The following DGKD variants were observed in gnomAD, a reference collection of about 807,000 sequenced individuals.
DGKD encodes diacylglycerol kinase delta, also known as DAG kinase delta.
DGKD carries 68 observed loss-of-function variants against 154.4 expected under a neutral mutation model. The observed-to-expected ratio is 0.44, with a 90% CI of 0.36 to 0.54. The LOEUF is 0.54. DGKD is among the 20% of genes least tolerant of loss of function. The probability of loss-of-function intolerance (pLI) is 0.00; values close to 1 mark genes in which losing one functional copy is unlikely to be tolerated. For synonymous variants in DGKD, 693 were observed against 638.0 expected, an observed-to-expected ratio of 1.09 and a Z score of -1.30; for missense variants, 1,343 against 1,593.6, an observed-to-expected ratio of 0.84 and a Z score of 2.68.
intron 1 of DGKD, among the ~76,000 whole-genome samples, chr2:233,364,233 A>G (rs1701921191): frequency 6.6e-6 from 1 of 152,236 alleles, no homozygotes; most frequent in South Asian, 2.1e-4. Context: ...GTCCTTCAGA[A>G]AATACAGTTG....
rs537574951 is a variant in DGKD, at chr2:233,432,246, C to G, written c.349-2134C>G. On this transcript the variant is annotated intron_variant, in intron 3 of 29. Coordinates refer to ENST00000264057, the MANE Select transcript of DGKD (RefSeq NM_152879.3). The stretch of plus-strand genomic sequence containing the variant: ...CTCTATTAAAAATACAAAAAATTAG[C>G]CAGGCGTGGTTGCTCACGCCTGTAA... Among the ~76,000 whole-genome samples, 330 of 101,602 alleles carry G rather than the reference C, an allele frequency of 3.2e-3. 5 individuals are homozygous for G. Among genetic ancestry groups the G allele is most frequent in the Non-Finnish European group, 5.8e-3 (254 of 43,856 alleles). The allele number at this position is 101,602 out of a possible 152,430, so 66.7% of individuals were successfully genotyped here. A position where few individuals can be genotyped will look rare whatever the true frequency, so the allele number is the denominator to read the frequency against.
At chr2:233,447,874 C>T (rs2063138187) in intron 12 of DGKD, 10 of 1,392,170 alleles carry the variant, frequency 7.2e-6, no homozygotes, top group East Asian at 2.7e-5. Flanking sequence ...TGCAGCTTGA[C>T]GAAGCTTTTA....
intron 3 of DGKD, chr2:233,429,450 G>A: frequency 2.2e-6 from 1 of 464,012 alleles, no homozygotes; most frequent in Non-Finnish European, 2.8e-6. Flanking sequence ...CTCGGCCTTG[G>A]CAGCTCCCAG....
In DGKD at chr2:233,359,198, G is replaced by A. The variant is rs1262159571; in HGVS notation, c.156+4524G>A. Among the ~76,000 whole-genome samples, 5 of 152,336 alleles carry A rather than the reference G, an allele frequency of 3.3e-5. No homozygotes were observed. In the South Asian group the frequency reaches 1.0e-3, roughly 32 times the overall value. ...CCCTGCGCTTCTAGTTATGAAGCATGCGATTGTGGACAGGGTGTCTAAACC... is the reference window on the plus strand; with the variant it reads ...CCCTGCGCTTCTAGTTATGAAGCATACGATTGTGGACAGGGTGTCTAAACC... On this transcript the variant is annotated intron_variant, in intron 1 of 29. Transcript: ENST00000264057.
intron 3 of DGKD, among the ~76,000 whole-genome samples, chr2:233,407,759 C>T (rs998282576): frequency 3.9e-5 from 6 of 152,072 alleles, no homozygotes; most frequent in Admixed American, 1.3e-4. Context: ...AGAGAGAGAT[C>T]GTGTCTCAAA....
Position 233,441,796 on chromosome 2 carries a change from G to A in DGKD, c.1086-91G>A. ...CTCTGGTGCAGGTCAGCCATGAGGA[G>A]CACAGGTGGCCCCTCAGCCCCGTAC... is the stretch of plus-strand genomic sequence containing the variant. On this transcript the variant is annotated intron_variant, in intron 9 of 29. Coordinates refer to ENST00000264057, the MANE Select transcript of DGKD (RefSeq NM_152879.3). The surrounding 1 kb of genome is among the most constrained non-coding windows in gnomAD (Gnocchi z 5.6). 8.2e-7 allele frequency: 1 copy of A among 1,219,680 alleles called. No homozygotes were observed. Among genetic ancestry groups the A allele is most frequent in the Non-Finnish European group, 1.2e-6 (1 of 845,766 alleles). 75.6% of individuals were successfully genotyped at this position (1,219,680 alleles called of 1,614,324 possible). A position where few individuals can be genotyped will look rare whatever the true frequency, so the allele number is the denominator to read the frequency against.
rs775505118 is a variant in DGKD, at chr2:233,441,910, A to G, written c.1109A>G (p.Asp370Gly). ...AGCTTACGGTTATTCCAGAAGTTTG[A>G]CACATTCCGGATTCTGGTTTGTGGC... ...HLGLRLFQKF[D>G]TFRILVCGGD... Residue 370 changes from aspartate to glycine, a missense_variant, in exon 10 of 30, where the codon GAC (aspartate) becomes GGC (glycine). Physicochemically the swap from Asp to Gly is moderately conservative, Grantham distance 94. Coordinates refer to ENST00000264057, the MANE Select transcript of DGKD (RefSeq NM_152879.3). The surrounding 1 kb of genome is among the most constrained non-coding windows in gnomAD (Gnocchi z 5.6). The G allele has an allele frequency of 6.2e-7, 1 of 1,614,040 alleles. No individual in the cohort carries two copies. The highest frequency in any genetic ancestry group is 8.5e-7 in the Non-Finnish European group (1 of 1,179,946).
At chr2:233,462,525 G>C in intron 25 of DGKD, 66 bp downstream of exon 25, 1 of 1,537,514 alleles carries the variant, frequency 6.5e-7, no homozygotes, top group Non-Finnish European at 8.9e-7. Flanking sequence ...CCCTCCCCGT[G>C]CGTGTTCATT....
intron 1 of DGKD, among the ~76,000 whole-genome samples, chr2:233,355,398 A>T (rs187881669): frequency 9.2e-5 from 14 of 152,262 alleles, no homozygotes; most frequent in African/African-American, 3.1e-4. Flanking sequence ...AAAACAGCTT[A>T]CGGTTTTTGC....
In DGKD at chr2:233,440,535, G is replaced by T. The variant is rs1413954374; in HGVS notation, c.1086-1352G>T. The stretch of plus-strand genomic sequence containing the variant: ...CAAGTCAAACTGGGCGTCCTTCCAC[G>T]TCTCCCCGAGCTGGCATCCGAGGAG... On this transcript the variant is annotated intron_variant, in intron 9 of 29. Transcript: ENST00000264057. The surrounding 1 kb of genome is among the most constrained non-coding windows in gnomAD (Gnocchi z 4.9). Among the ~76,000 whole-genome samples, 1 of 152,150 alleles carries T rather than the reference G, an allele frequency of 6.6e-6. No individual in the cohort carries two copies. The highest frequency in any genetic ancestry group is 1.9e-4 in the East Asian group (1 of 5,182).
In DGKD at chr2:233,388,381, C is replaced by G. The variant is rs1316316978; in HGVS notation, c.267+14C>G. 1.0e-5 allele frequency: 16 copies of G among 1,607,996 alleles called. No homozygotes were observed. The highest frequency in any genetic ancestry group is 1.3e-5 in the Non-Finnish European group (15 of 1,177,370). ...AAAACGGCAAAGGTGAGGCCCCATGCAGGAAAGCACACGCGAGGACATCAC... is the reference window on the plus strand; with the variant it reads ...AAAACGGCAAAGGTGAGGCCCCATGGAGGAAAGCACACGCGAGGACATCAC... On this transcript the variant is annotated intron_variant, in intron 2 of 29. Coordinates refer to ENST00000264057, the MANE Select transcript of DGKD (RefSeq NM_152879.3).
chr2:233,462,284 C>T (rs1211414015), intron 24 of DGKD, 64 bp from the exon 25 acceptor site: 68 of 1,330,154 alleles, frequency 5.1e-5, no homozygotes, highest in South Asian at 3.3e-4. Context: ...TGTTCAGATG[C>T]GTATTGTGAA....
intron 3 of DGKD, among the ~76,000 whole-genome samples, chr2:233,396,983 G>GC (rs1704104156): frequency 2.3e-5 from 2 of 88,294 alleles, no homozygotes; most frequent in African/African-American, 9.4e-5. Flanking sequence ...GGGGGGGGCA[G>GC]AGCGAGAGGA....
At position 233,458,304 on chromosome 2, in the gene DGKD, C is replaced by T. The variant is rs140893534; in HGVS notation, c.2601C>T (p.Phe867=). The change falls in exon 22 of 30, where the codon TTC becomes TTT. Residue 867 remains phenylalanine (F), a synonymous_variant. Transcript: ENST00000264057. This position sits in a 1 kb window ranked among gnomAD's most constrained non-coding sequence, Gnocchi z 6.6. ...TGCAGACTTTCGCAGCTCCATCATT[C>T]GATGACAAGATTCTGGAGGTGGTCG... ...KEDDTFAAPS[F]DDKILEVVAV... 1.6e-4 allele frequency: 261 copies of T among 1,612,374 alleles called. No individual in the cohort carries two copies. The highest frequency in any genetic ancestry group is 2.0e-4 in the East Asian group (9 of 44,882).
intron 3 of DGKD, among the ~76,000 whole-genome samples, chr2:233,410,172 G>C (rs975303524): frequency 6.6e-6 from 1 of 152,062 alleles, no homozygotes; most frequent in Non-Finnish European, 1.5e-5. Flanking sequence ...GCTATAGAGG[G>C]TGGGTCAAGA....
Position 233,471,118 on chromosome 2 carries a change from CGTG to C in DGKD, c.*1661_*1663del. 1 of 152,540 alleles carries C rather than the reference CGTG, an allele frequency of 6.6e-6. No individual in the cohort carries two copies. Among genetic ancestry groups the C allele is most frequent in the Middle Eastern group, 3.4e-3 (1 of 294 alleles). The allele number at this position is 152,540 out of a possible 1,614,324, so 9.4% of individuals were successfully genotyped here. A position where few individuals can be genotyped will look rare whatever the true frequency, so the allele number is the denominator to read the frequency against. On this transcript the variant is annotated 3_prime_UTR_variant, in exon 30 of 30. Coordinates refer to ENST00000264057, the MANE Select transcript of DGKD (RefSeq NM_152879.3). Reference sequence around the variant, plus strand: ...TGCGTGCCTTTGGGTGCTCCCCTCTCGTGGTCGTTCTGGCCCGAGGCCCTTAGA... The same window carrying C: ...TGCGTGCCTTTGGGTGCTCCCCTCTCGTCGTTCTGGCCCGAGGCCCTTAGA...
At chr2:233,383,526 T>G (rs1490938080) in intron 1 of DGKD, among the ~76,000 whole-genome samples, 2 of 152,242 alleles carry the variant, frequency 1.3e-5, no homozygotes, top group Non-Finnish European at 2.9e-5. Context: ...TATTTTTTTC[T>G]ATTACATTTA....
rs890986865 is a variant in DGKD, at chr2:233,441,306, T to C, written c.1086-581T>C. 2.0e-4 allele frequency among the ~76,000 whole-genome samples: 30 copies of C among 152,094 alleles called. No homozygotes were observed. The highest frequency in any genetic ancestry group is 3.3e-4 in the Admixed American group (5 of 15,270). ...GGAGGACTGAGTGGGCCCAGGCATA[T>C]GTGCTGCAGTGGGGACACGCAGCCC... On this transcript the variant is annotated intron_variant, in intron 9 of 29. Coordinates refer to ENST00000264057, the MANE Select transcript of DGKD (RefSeq NM_152879.3). This position sits in a 1 kb window ranked among gnomAD's most constrained non-coding sequence, Gnocchi z 5.6.
intron 3 of DGKD, among the ~76,000 whole-genome samples, chr2:233,415,837 G>A (rs968682838): frequency 6.6e-6 from 1 of 152,064 alleles, no homozygotes; most frequent in African/African-American, 2.4e-5. Context: ...TGTTGCCCAG[G>A]CTGGTCTTGA....
Sources: gnomAD v4.1 joint callset for allele counts (sites outside exome capture counted in the v4.1 genomes callset) on GRCh38, gnomAD v4.1.1 for gene constraint, Gnocchi (gnomAD v3.1) non-coding constraint, MANE v1.5 for transcripts, NCBI Gene and HGNC (gene_info 2026-07-23, HGNC 2026-07-21) for gene names.